ASPM: variants seen among roughly 807,000 people sequenced by gnomAD.
ASPM encodes abnormal spindle-like microcephaly-associated protein.
In ASPM, 256 loss-of-function variants were observed where a neutral mutation model predicts 366.4. The ratio of observed to expected loss-of-function variants is 0.70; its 90% confidence interval spans 0.63 to 0.77. The LOEUF is 0.77. Ranked by LOEUF, ASPM falls within the 30% of genes least tolerant of loss-of-function variation. The pLI is 0.00. For synonymous variants in ASPM, 1,414 were observed against 1,342.9 expected (o/e 1.05, Z -1.16); for missense variants, 4,146 against 4,090.4 (o/e 1.01, Z -0.37).
rs143954791 is a variant in ASPM, at chr1:197,105,097, A to G, written c.4154T>C (p.Ile1385Thr). ...IILQSRIRMIIAVTSYKRYLW... is the reference protein window; with the variant it reads ...IILQSRIRMITAVTSYKRYLW... ...ATATCGTTTATAAGATGTAACAGCAATTATCATTCTTATCCTAGATTGCAG... is the reference window on the plus strand; with the variant it reads ...ATATCGTTTATAAGATGTAACAGCAGTTATCATTCTTATCCTAGATTGCAG... The change falls in exon 18 of 28, where the codon ATT (isoleucine) becomes ACT (threonine). Residue 1385 changes from isoleucine to threonine, a missense_variant. This residue lies in a region of ASPM where 3,624 missense variants were observed against 3,591.7 expected (regional missense o/e 1.01). Coordinates refer to ENST00000367409, the MANE Select transcript of ASPM (RefSeq NM_018136.5). The G allele has an allele frequency of 6.2e-7, 1 of 1,608,966 alleles. No individual in the cohort carries two copies. Among genetic ancestry groups the G allele is most frequent in the Non-Finnish European group, 8.5e-7 (1 of 1,176,272 alleles).
rs375998678 is a variant in ASPM, at chr1:197,134,284, C to A, written c.2174-689G>T. The stretch of plus-strand genomic sequence containing the variant: ...AAAACTAGCCAGGCATGGTGGCGTG[C>A]ACTGGTAGTCACAACTACTCAGGAG... On this transcript the variant is annotated intron_variant, in intron 5 of 27. Coordinates refer to ENST00000367409, the MANE Select transcript of ASPM (RefSeq NM_018136.5). Among the ~76,000 whole-genome samples the A allele has an allele frequency of 2.0e-5, 3 of 150,586 alleles. No individual in the cohort carries two copies. In the East Asian group the frequency reaches 5.9e-4, roughly 29 times the overall value.
At chr1:197,117,736 TAA>T (rs905844276) in intron 17 of ASPM, 51 bp downstream of exon 17, 10 of 1,502,884 alleles carry the variant, frequency 6.7e-6, no homozygotes, top group Admixed American at 5.7e-5. Context: ...CCTTCTTACT[TAA>T]AAAAGTCATT....
rs1265948238 is a variant in ASPM at position 197,093,067 on chromosome 1, C to T, written c.9279G>A (p.Trp3093Ter). 1.2e-6 allele frequency: 2 copies of T among 1,609,948 alleles called. No individual in the cohort carries two copies. The highest frequency in any genetic ancestry group is 1.1e-5 in the South Asian group (1 of 90,992). The part of the protein sequence containing the change: ...TVILQALVRG[W>*]LVRKRFLEQR... The stretch of plus-strand genomic sequence containing the variant: ...AAATACTTACTCTTTTTCGTACTAG[C>T]CAACCACGCACCAGTGCTTGTAGGA... Residue 3093 changes from tryptophan to a stop codon, truncating the protein, a stop_gained, in exon 21 of 28, where the codon TGG becomes TGA. Transcript: ENST00000367409. LOFTEE classifies it high-confidence loss of function.
At chr1:197,110,594 A>G (rs1657551103) in intron 17 of ASPM, among the ~76,000 whole-genome samples, 1 of 152,076 alleles carries the variant, frequency 6.6e-6, no homozygotes. Context: ...CAAGCTGCAG[A>G]TTGGGAGAAA....
intron 17 of ASPM, among the ~76,000 whole-genome samples, chr1:197,116,257 AAT>A (rs1657733233): frequency 1.3e-5 from 2 of 152,182 alleles, no homozygotes; most frequent in South Asian, 4.1e-4. Context: ...CGTAGAACTG[AAT>A]AGAGTTTGGG....
At chr1:197,128,698 C>T in intron 9 of ASPM, 33 bp from the exon 10 acceptor site, 1 of 1,497,232 alleles carries the variant, frequency 6.7e-7, no homozygotes, top group Non-Finnish European at 9.2e-7. Context: ...TATTATATTC[C>T]AATATTATAA....
rs754856249 is a variant in ASPM at position 197,091,038 on chromosome 1, A to C, written c.9448T>G (p.Trp3150Gly). 6.2e-7 allele frequency: 1 copy of C among 1,607,640 alleles called. No individual in the cohort carries two copies. Among genetic ancestry groups the C allele is most frequent in the Non-Finnish European group, 8.5e-7 (1 of 1,175,384 alleles). The change falls in exon 23 of 28, where the codon TGG (tryptophan) becomes GGG (glycine). Residue 3150 changes from tryptophan (W) to glycine (G), a missense_variant. Trp to Gly is a radical substitution (Grantham distance 184). This residue lies in a region of ASPM where 3,624 missense variants were observed against 3,591.7 expected (regional missense o/e 1.01). Coordinates refer to ENST00000367409, the MANE Select transcript of ASPM (RefSeq NM_018136.5). ...QVNSVICIQR[W>G]FRARLQEKRF... ...TTTTCTTGTAATCTTGCTCGAAACCATCTCTGTTTAAAACATAGAATTTTG... is the reference window on the plus strand; with the variant it reads ...TTTTCTTGTAATCTTGCTCGAAACCCTCTCTGTTTAAAACATAGAATTTTG...
chr1:197,109,219 T>C (rs1447864283), intron 17 of ASPM, among the ~76,000 whole-genome samples: 1 of 151,998 alleles, frequency 6.6e-6, no homozygotes. Context: ...GTCAACAATC[T>C]CTTCCAGAAA....
intron 16 of ASPM, 36 bp from the exon 17 acceptor site, chr1:197,118,019 CTCACT>C: frequency 6.4e-7 from 1 of 1,551,244 alleles, no homozygotes; most frequent in Non-Finnish European, 8.9e-7. Context: ...AAATTAAACA[CTCACT>C]TAAGACCTTA....
intron 2 of ASPM, 41 bp downstream of exon 2, chr1:197,143,916 A>G: frequency 6.4e-7 from 1 of 1,569,020 alleles, no homozygotes. Context: ...TTATTATTAA[A>G]CAATTTCTTA....
chr1:197,097,070 C>T (rs946359648), intron 18 of ASPM, among the ~76,000 whole-genome samples: 1 of 151,536 alleles, frequency 6.6e-6, no homozygotes, highest in Admixed American at 6.6e-5. Flanking sequence ...TGTAAGAAAA[C>T]CCAATTCCCC....
rs1657220081 is a variant in ASPM, at chr1:197,102,350, A to C, written c.6901T>G (p.Cys2301Gly). Reference protein sequence around the residue: ...LIQRKYRAHLCTKHHLQFLQV... With the variant: ...LIQRKYRAHLGTKHHLQFLQV... The stretch of plus-strand genomic sequence containing the variant: ...AGGAACTGTAAGTGATGCTTTGTAC[A>C]AAGATGTGCCCGATATTTTCTCTGA... Residue 2301 changes from cysteine (C) to glycine (G), a missense_variant, in exon 18 of 28, where the codon TGT (cysteine) becomes GGT (glycine). Physicochemically the swap from Cys to Gly is radical, Grantham distance 159 (BLOSUM62 -3). This residue lies in a region of ASPM where 3,624 missense variants were observed against 3,591.7 expected (regional missense o/e 1.01). Transcript: ENST00000367409. The C allele has an allele frequency of 6.2e-7, 1 of 1,612,738 alleles. No individual in the cohort carries two copies. The highest frequency in any genetic ancestry group is 1.1e-5 in the South Asian group (1 of 91,060).
Position 197,102,292 on chromosome 1 carries a change from G to A in ASPM, c.6959C>T (p.Ser2320Leu). The A allele has an allele frequency of 6.2e-7, 1 of 1,612,700 alleles. No homozygotes were observed. The highest frequency in any genetic ancestry group is 8.5e-7 in the Non-Finnish European group (1 of 1,179,222). ...CCTTATCATCCATCTTCTGTATGAT[G>A]ACTGGATTTTAATAACTGCATTTTG... ...QVQNAVIKIQSSYRRWMIRKR... is the reference protein window; with the variant it reads ...QVQNAVIKIQLSYRRWMIRKR... Residue 2320 changes from serine to leucine, a missense_variant, in exon 18 of 28, where the codon TCA becomes TTA. By Grantham distance (145) the Ser-to-Leu change is moderately radical. Around this residue, in one of 3 missense-constraint regions of ASPM, gnomAD observed 3,624 missense variants for 3,591.7 expected, o/e 1.01. Transcript: ENST00000367409.
chr1:197,143,851 A>T, intron 2 of ASPM, 41 bp from the exon 3 acceptor site: 1 of 1,584,128 alleles, frequency 6.3e-7, no homozygotes, highest in Non-Finnish European at 8.6e-7. Context: ...GTTTGTAGCT[A>T]TTGAATATTA....
At chr1:197,132,229 T>C in intron 7 of ASPM, 56 bp downstream of exon 7, 1 of 1,347,720 alleles carries the variant, frequency 7.4e-7, no homozygotes, top group Admixed American at 2.0e-5. Flanking sequence ...GAGTCTATTC[T>C]ACAAAAAGTA....
intron 21 of ASPM, among the ~76,000 whole-genome samples, 159 bp from the exon 22 acceptor site, chr1:197,092,215 C>T (rs1253935598): frequency 6.6e-6 from 1 of 151,602 alleles, no homozygotes; most frequent in Admixed American, 6.6e-5. Flanking sequence ...AAAGTAATTA[C>T]AATATTGTAC....
intron 13 of ASPM, 104 bp from the exon 14 acceptor site, chr1:197,122,699 CA>C (rs1191846931): frequency 4.4e-6 from 5 of 1,127,142 alleles, no homozygotes; most frequent in Non-Finnish European, 6.6e-6. Context: ...ACTGGAGTGA[CA>C]AATCTACAAG....
rs1403868262 is a variant in ASPM, at chr1:197,103,825, TGCAA to T, written c.5422_5425del (p.Leu1808LysfsTer12). ...TACTTTATAACCTCTGTAAGCTGCTTGCAAGCAAGTAGCTGCTTTTTTGACTTGC... is the reference window on the plus strand; with the variant it reads ...TACTTTATAACCTCTGTAAGCTGCTTGCAAGTAGCTGCTTTTTTGACTTGC... On this transcript the variant is annotated frameshift_variant, in exon 18 of 28. Transcript: ENST00000367409. LOFTEE classifies it high-confidence loss of function. 1.2e-6 allele frequency: 2 copies of T among 1,613,046 alleles called. No individual in the cohort carries two copies. Among genetic ancestry groups the T allele is most frequent in the Non-Finnish European group, 1.7e-6 (2 of 1,179,400 alleles).
intron 6 of ASPM, among the ~76,000 whole-genome samples, chr1:197,133,020 G>T (rs913335293): frequency 6.6e-6 from 1 of 152,022 alleles, no homozygotes; most frequent in Non-Finnish European, 1.5e-5. Context: ...TCTCAGTTAC[G>T]CAGGATGAAT....
Sources: allele counts gnomAD v4.1 joint callset (sites outside exome capture counted in the v4.1 genomes callset), GRCh38; gene constraint gnomAD v4.1.1; regional missense constraint gnomAD v4.1.1; transcripts MANE v1.5; gene names NCBI Gene and HGNC (gene_info 2026-07-23, HGNC 2026-07-21).